Variants in RNF144A observed in about 807,000 individuals in gnomAD.
The protein encoded by RNF144A is E3 ubiquitin-protein ligase RNF144A.
In RNF144A, 11 loss-of-function variants were observed where a neutral mutation model predicts 38.7. The ratio of observed to expected loss-of-function variants is 0.28; its 90% confidence interval spans 0.18 to 0.47. RNF144A has a LOEUF of 0.47. Ranked by LOEUF, RNF144A falls within the 20% of genes least tolerant of loss-of-function variation. The probability of loss-of-function intolerance (pLI) is 0.99; values close to 1 mark genes in which losing one functional copy is unlikely to be tolerated. For synonymous variants in RNF144A, 149 were observed against 143.9 expected (o/e 1.04, Z -0.25); for missense variants, 316 against 377.2 (o/e 0.84, Z 1.34).
chr2:7,018,511 G>C (rs909170143), intron 5 of RNF144A, among the ~76,000 whole-genome samples: 2 of 152,220 alleles, frequency 1.3e-5, no homozygotes, highest in African/African-American at 2.4e-5. Flanking sequence ...GTGGCGCTCA[G>C]TGCCCCAGGC....
intron 6 of RNF144A, among the ~76,000 whole-genome samples, chr2:7,054,597 A>T (rs575333099): frequency 1.3e-5 from 2 of 152,186 alleles, no homozygotes; most frequent in South Asian, 4.1e-4. Flanking sequence ...GTTTCCCCCA[A>T]ATTTATATGT....
chr2:7,017,989 G>C (rs1192842436), intron 5 of RNF144A, among the ~76,000 whole-genome samples: 1 of 152,176 alleles, frequency 6.6e-6, no homozygotes, highest in Non-Finnish European at 1.5e-5. Flanking sequence ...CCTTAGCCAG[G>C]TCTCCCCTGT....
intron 6 of RNF144A, among the ~76,000 whole-genome samples, chr2:7,067,118 A>G (rs1674266079): frequency 6.6e-6 from 1 of 152,168 alleles, no homozygotes; most frequent in Non-Finnish European, 1.5e-5. Flanking sequence ...TCAGAAGAAA[A>G]CTATAGCACA....
At chr2:6,946,387 T>C (rs1666344910) in intron 2 of RNF144A, among the ~76,000 whole-genome samples, 2 of 152,214 alleles carry the variant, frequency 1.3e-5, no homozygotes, top group South Asian at 4.1e-4. Flanking sequence ...TCAATCTTGA[T>C]TTAAACCTGA....
At chr2:6,935,917 C>T (rs1337177644) in intron 1 of RNF144A, among the ~76,000 whole-genome samples, 3 of 152,256 alleles carry the variant, frequency 2.0e-5, no homozygotes, top group Admixed American at 6.5e-5. Flanking sequence ...AGTCTGGAAG[C>T]GTCTTTGACT....
intron 2 of RNF144A, among the ~76,000 whole-genome samples, chr2:6,952,337 G>A (rs1364783537): frequency 1.3e-5 from 2 of 149,926 alleles, no homozygotes; most frequent in Non-Finnish European, 3.0e-5. Flanking sequence ...TCATGAGAGA[G>A]TTTGGCCTAT....
intron 8 of RNF144A, among the ~76,000 whole-genome samples, chr2:7,031,109 A>T (rs1572443503): frequency 6.6e-6 from 1 of 151,022 alleles, no homozygotes; most frequent in East Asian, 1.9e-4. Context: ...CCCACCACTC[A>T]CTCCTGCCGT....
intron 2 of RNF144A, among the ~76,000 whole-genome samples, chr2:6,979,306 T>C (rs1572324047): frequency 6.6e-6 from 1 of 152,138 alleles, no homozygotes; most frequent in Non-Finnish European, 1.5e-5. Flanking sequence ...ATATTTTTTT[T>C]CCTGGTTATT....
rs569374576 is a variant in RNF144A at position 7,015,848 on chromosome 2, G to C, written c.301+1076G>C. Reference sequence around the variant, plus strand: ...GATTCTCGGGTTCTTGACCTGAGCAGGGTCTCACCACTGAGACACAGCCCT... The same window carrying C: ...GATTCTCGGGTTCTTGACCTGAGCACGGTCTCACCACTGAGACACAGCCCT... On this transcript the variant is annotated intron_variant, in intron 5 of 8. Transcript: ENST00000320892. 9.9e-5 allele frequency among the ~76,000 whole-genome samples: 15 copies of C among 152,220 alleles called. No individual in the cohort carries two copies. The East Asian group carries it at 2.9e-3, about 29-fold the overall frequency.
At chr2:7,067,604 A>G (rs1297684412) in intron 6 of RNF144A, among the ~76,000 whole-genome samples, 2 of 152,178 alleles carry the variant, frequency 1.3e-5, no homozygotes, top group African/African-American at 2.4e-5. Flanking sequence ...TCAAGTCCCA[A>G]CAGGTGACTC....
At chr2:6,982,264 G>A (rs866622133) in intron 2 of RNF144A, among the ~76,000 whole-genome samples, 5 of 152,220 alleles carry the variant, frequency 3.3e-5, no homozygotes, top group African/African-American at 1.2e-4. Context: ...GCAGCTACTC[G>A]TAAGTGTGTT....
downstream of RNF144A, among the ~76,000 whole-genome samples, chr2:7,073,183 CT>C (rs1292288983): frequency 6.6e-6 from 1 of 152,202 alleles, no homozygotes; most frequent in Non-Finnish European, 1.5e-5. Context: ...GTCTCCATCC[CT>C]GGGAAGGTCT....
chr2:6,995,732 G>A lies in RNF144A; in HGVS notation c.-11-1184G>A, dbSNP rs561244374. ...CTTTGCTGGCAGCTGATTAGATGGC[G>A]CCTACCCTGGCTGAGGGTGGGTCGG... is the stretch of plus-strand genomic sequence containing the variant. On this transcript the variant is annotated intron_variant, in intron 2 of 8. Coordinates refer to ENST00000320892, the MANE Select transcript of RNF144A (RefSeq NM_014746.6). Among the ~76,000 whole-genome samples the A allele has an allele frequency of 7.2e-5, 11 of 152,306 alleles. No individual in the cohort carries two copies. The East Asian group carries it at 2.1e-3, about 29-fold the overall frequency.
chr2:6,971,193 C>T (rs1667981186), intron 2 of RNF144A, among the ~76,000 whole-genome samples: 1 of 152,310 alleles, frequency 6.6e-6, no homozygotes, highest in African/African-American at 2.4e-5. Flanking sequence ...GCTGGTTGGA[C>T]AGTAACCTCT....
At chr2:7,005,844 G>C (rs981681627) in intron 3 of RNF144A, among the ~76,000 whole-genome samples, 3 of 151,888 alleles carry the variant, frequency 2.0e-5, no homozygotes, top group African/African-American at 7.3e-5. Flanking sequence ...AGACATGAAG[G>C]GGCCTGCCCT....
rs3755505 is a variant in RNF144A, at chr2:7,008,975, A to T, written c.136-5479A>T. 2.1e-4 allele frequency among the ~76,000 whole-genome samples: 32 copies of T among 152,352 alleles called. 1 individual carries two copies. In the East Asian group the frequency reaches 6.2e-3, roughly 29 times the overall value. On this transcript the variant is annotated intron_variant, in intron 3 of 8. Coordinates refer to ENST00000320892, the MANE Select transcript of RNF144A (RefSeq NM_014746.6). ...GTTCTTGAAAGAGAGTGTTTAACAC[A>T]AAATCATTCCGTCCACATCTTCACT...
chr2:6,960,744 C>T (rs1054657525), intron 2 of RNF144A, among the ~76,000 whole-genome samples: 4 of 152,148 alleles, frequency 2.6e-5, no homozygotes, highest in Admixed American at 6.5e-5. Flanking sequence ...ATGGGTTCCC[C>T]GGTGTGGAGG....
intron 8 of RNF144A, among the ~76,000 whole-genome samples, chr2:7,038,797 G>C (rs1369654271): frequency 6.6e-6 from 1 of 151,984 alleles, no homozygotes; most frequent in Non-Finnish European, 1.5e-5. Flanking sequence ...TGGGTGGATG[G>C]GTGGATGGAT....
At chr2:7,021,637 C>G (rs1029368379) in intron 6 of RNF144A, among the ~76,000 whole-genome samples, 4 of 152,220 alleles carry the variant, frequency 2.6e-5, no homozygotes, top group African/African-American at 9.6e-5. Flanking sequence ...GGCCTCCACC[C>G]TCTGTGTTCC....
Sources: gnomAD v4.1 joint callset for allele counts (sites outside exome capture counted in the v4.1 genomes callset) on GRCh38, gnomAD v4.1.1 for gene constraint, MANE v1.5 for transcripts, NCBI Gene and HGNC (gene_info 2026-07-23, HGNC 2026-07-21) for gene names.